Variants in LACTB observed in about 807,000 individuals in gnomAD.
LACTB encodes the protein serine beta-lactamase-like protein LACTB, mitochondrial.
Under a neutral mutation model 50.2 loss-of-function variants are expected in LACTB, and 35 were observed. The ratio of observed to expected loss-of-function variants is 0.70; its 90% CI spans 0.53 to 0.92. The LOEUF is 0.92. LACTB is among the 40% of genes least tolerant of loss of function. The pLI, the probability that LACTB is intolerant of heterozygous loss-of-function variation, is 0.00. For synonymous variants in LACTB, 252 were observed against 268.2 expected (o/e 0.94, Z 0.59); for missense variants, 664 against 691.8 (o/e 0.96, Z 0.45).
At chr15:63,139,876 T>C (rs940678484) in intron 5 of LACTB, among the ~76,000 whole-genome samples, 3 of 151,458 alleles carry the variant, frequency 2.0e-5, no homozygotes, top group Non-Finnish European at 2.9e-5. Flanking sequence ...GGCGAGTGGA[T>C]TGCTTGAGGC....
At chr15:63,138,613 T>C (rs1281063901) in intron 5 of LACTB, among the ~76,000 whole-genome samples, 1 of 152,222 alleles carries the variant, frequency 6.6e-6, no homozygotes, top group Non-Finnish European at 1.5e-5. Flanking sequence ...GAGATTAAAA[T>C]CTAGAATTTG....
At chr15:63,137,771 G>A (rs2037190365) in intron 5 of LACTB, among the ~76,000 whole-genome samples, 1 of 151,958 alleles carries the variant, frequency 6.6e-6, no homozygotes, top group Non-Finnish European at 1.5e-5. Flanking sequence ...CTCAACTTTG[G>A]CTGTATTTTG....
intron 5 of LACTB, chr15:63,130,996 A>T (rs1566991804): frequency 6.6e-6 from 1 of 152,166 alleles, no homozygotes. Context: ...TTGGCATTCT[A>T]TTATAAGAAG....
At position 63,122,166 on chromosome 15, in the gene LACTB, C is replaced by T. The variant is rs1282705282; in HGVS notation, c.295C>T (p.Pro99Ser). ...GTGGTCTCCGCAGACCCCGGCGCCGCCCTGCTCCAGGTGCTTCGCCAGAGC... is the reference window on the plus strand; with the variant it reads ...GTGGTCTCCGCAGACCCCGGCGCCGTCCTGCTCCAGGTGCTTCGCCAGAGC... ...APWSPQTPAP[P>S]CSRCFARAIE... The change falls in exon 1 of 6, where the codon CCC becomes TCC. Residue 99 changes from proline (P) to serine (S), a missense_variant. Coordinates refer to ENST00000261893, the MANE Select transcript of LACTB (RefSeq NM_032857.5). 22 of 1,521,630 alleles carry T rather than the reference C, an allele frequency of 1.4e-5. No homozygotes were observed. The highest frequency in any genetic ancestry group is 1.8e-5 in the Non-Finnish European group (20 of 1,142,560). 94.3% of individuals were successfully genotyped at this position (1,521,630 alleles called of 1,614,324 possible).
chr15:63,141,702 C>A lies in LACTB; in HGVS notation c.1541C>A (p.Pro514Gln), dbSNP rs760488771. 6.2e-7 allele frequency: 1 copy of A among 1,614,128 alleles called. No homozygotes were observed. The highest frequency in any genetic ancestry group is 8.5e-7 in the Non-Finnish European group (1 of 1,180,032). Residue 514 changes from proline to glutamine, a missense_variant, in exon 6 of 6, where the codon CCA (proline) becomes CAA (glutamine). Coordinates refer to ENST00000261893, the MANE Select transcript of LACTB (RefSeq NM_032857.5). ...DTETINNKVPPRGIIVSIICN... is the reference protein window; with the variant it reads ...DTETINNKVPQRGIIVSIICN... ...GAGACTATAAATAACAAGGTTCCCC[C>A]AAGAGGAATCATTGTTTCTATCATA... is the stretch of plus-strand genomic sequence containing the variant.
chr15:63,125,142 G>A (rs963317514), intron 2 of LACTB, among the ~76,000 whole-genome samples: 3 of 150,944 alleles, frequency 2.0e-5, no homozygotes, highest in Non-Finnish European at 2.9e-5. Context: ...GCACCATAGC[G>A]ACACCTGTGT....
chr15:63,132,453 T>C (rs1249944869), intron 5 of LACTB, among the ~76,000 whole-genome samples: 1 of 152,238 alleles, frequency 6.6e-6, no homozygotes, highest in Non-Finnish European at 1.5e-5. Context: ...TGTGTGTTGA[T>C]AGTAAACATT....
rs2036992328 is a variant in LACTB at position 63,122,639 on chromosome 15, G to A, written c.361G>A (p.Glu121Lys). ...SRDLLHRIKD[E>K]VGAPGIVVGV... ...GTTCTTTCCCCTTCGGTCTTAGGAT[G>A]AGGTGGGCGCACCGGGCATAGTGGT... The change falls in exon 2 of 6, where the codon GAG becomes AAG. Residue 121 changes from glutamate (E) to lysine (K), a missense_variant. Glu to Lys is a moderately conservative substitution (Grantham distance 56). Coordinates refer to ENST00000261893, the MANE Select transcript of LACTB (RefSeq NM_032857.5). 1.4e-5 allele frequency: 22 copies of A among 1,612,874 alleles called. No homozygotes were observed. Among genetic ancestry groups the A allele is most frequent in the Non-Finnish European group, 1.9e-5 (22 of 1,178,780 alleles).
In LACTB at chr15:63,141,512, G is replaced by A. The variant is rs767361464; in HGVS notation, c.1351G>A (p.Glu451Lys). ...VMMWTPVPNT[E>K]MSWDKEGKYA... is the part of the protein sequence containing the mutation. ...GATGTGGACCCCAGTCCCTAACACA[G>A]AGATGTCTTGGGATAAAGAGGGTAA... The change falls in exon 6 of 6, where the codon GAG becomes AAG. Residue 451 changes from glutamate (E) to lysine (K), a missense_variant. Coordinates refer to ENST00000261893, the MANE Select transcript of LACTB (RefSeq NM_032857.5). 1.2e-6 allele frequency: 2 copies of A among 1,614,220 alleles called. No homozygotes were observed. The highest frequency in any genetic ancestry group is 2.2e-5 in the South Asian group (2 of 91,084).
At chr15:63,137,752 C>T (rs781463399) in intron 5 of LACTB, among the ~76,000 whole-genome samples, 1 of 152,130 alleles carries the variant, frequency 6.6e-6, no homozygotes, top group African/African-American at 2.4e-5. Context: ...TAACCATCCC[C>T]CACCTTCTCT....
intron 3 of LACTB, 143 bp downstream of exon 3, chr15:63,127,192 A>T: frequency 1.1e-6 from 1 of 908,092 alleles, no homozygotes; most frequent in Non-Finnish European, 1.6e-6. Context: ...GATGATAATC[A>T]GGTAGGTATT....
At chr15:63,136,846 T>A (rs547422203) in intron 5 of LACTB, among the ~76,000 whole-genome samples, 1 of 152,336 alleles carries the variant, frequency 6.6e-6, no homozygotes, top group Non-Finnish European at 1.5e-5. Flanking sequence ...TTGTTGGGTA[T>A]AACCATAAAC....
chr15:63,136,068 A>C (rs2037173945), intron 5 of LACTB, among the ~76,000 whole-genome samples: 2 of 144,130 alleles, frequency 1.4e-5, no homozygotes, highest in African/African-American at 2.6e-5. Context: ...TTGAGACAAG[A>C]TCTCACTCTG....
chr15:63,131,088 T>G (rs2037126686), intron 5 of LACTB: 1 of 152,278 alleles, frequency 6.6e-6, no homozygotes, highest in South Asian at 2.1e-4. Context: ...AGACCAAGTT[T>G]GAGACCAGCC....
At chr15:63,137,865 C>T (rs908184351) in intron 5 of LACTB, among the ~76,000 whole-genome samples, 4 of 152,070 alleles carry the variant, frequency 2.6e-5, no homozygotes, top group Non-Finnish European at 5.9e-5. Context: ...CTTTTTCATG[C>T]CTTTAGCTGA....
chr15:63,134,349 G>A (rs1406473126), intron 5 of LACTB, among the ~76,000 whole-genome samples: 3 of 152,134 alleles, frequency 2.0e-5, no homozygotes, highest in African/African-American at 7.2e-5. Context: ...GTGGCGTGAG[G>A]AAAATAAAAG....
chr15:63,131,528 A>C (rs540582362), intron 5 of LACTB: 25 of 152,364 alleles, frequency 1.6e-4, no homozygotes, highest in African/African-American at 6.0e-4. Flanking sequence ...TTAAGCAAAT[A>C]CTACATGCCA....
intron 2 of LACTB, chr15:63,126,065 G>A (rs1247672506): frequency 6.6e-6 from 1 of 152,022 alleles, no homozygotes; most frequent in Admixed American, 6.6e-5. Context: ...TCTAGAAAAA[G>A]CTTTAAGTTA....
At chr15:63,138,494 T>C (rs2037195498) in intron 5 of LACTB, among the ~76,000 whole-genome samples, 1 of 152,210 alleles carries the variant, frequency 6.6e-6, no homozygotes, top group African/African-American at 2.4e-5. Context: ...GTCTATATTC[T>C]TTTAAGCAGA....
Sources: gnomAD v4.1 joint callset for allele counts (sites outside exome capture counted in the v4.1 genomes callset) on GRCh38, gnomAD v4.1.1 for gene constraint, MANE v1.5 for transcripts, NCBI Gene and HGNC (gene_info 2026-07-23, HGNC 2026-07-21) for gene names.